The following UPP2 variants were observed in gnomAD, a reference collection of about 807,000 sequenced individuals.
UPP2 encodes UPase 2.
A neutral mutation model predicts 26.7 loss-of-function variants in UPP2; 23 were observed. That is an observed-to-expected ratio of 0.86 (90% CI 0.62 to 1.22). The LOEUF (loss-of-function observed/expected upper bound fraction) is 1.22, where lower values mean the gene tolerates loss of function less well. UPP2 is among the 50% of genes most tolerant of loss of function. UPP2 has a pLI of 0.00. For synonymous variants in UPP2, 127 were observed against 141.3 expected (o/e 0.90, Z 0.72); for missense variants, 387 against 396.7 (o/e 0.98, Z 0.21).
At chr2:158,023,890 A>G (rs993352542) in intron 3 of UPP2, among the ~76,000 whole-genome samples, 6 of 152,250 alleles carry the variant, frequency 3.9e-5, no homozygotes, top group South Asian at 2.1e-4. Context: ...GAACTCCTGC[A>G]TTGGTCTCTT....
At chr2:158,130,478 CT>C (rs1683796494) in intron 6 of UPP2, among the ~76,000 whole-genome samples, 1 of 150,990 alleles carries the variant, frequency 6.6e-6, no homozygotes, top group African/African-American at 2.4e-5. Flanking sequence ...AAAAAAACCA[CT>C]GTGCATTATA....
At chr2:158,011,876 G>A (rs1248868272) in intron 2 of UPP2, among the ~76,000 whole-genome samples, 8 of 152,164 alleles carry the variant, frequency 5.3e-5, no homozygotes, top group Non-Finnish European at 7.3e-5. Flanking sequence ...GGTGGGGATA[G>A]GGGTGTGTTT....
intron 3 of UPP2, among the ~76,000 whole-genome samples, chr2:158,055,009 T>TACTAG (rs1441191094): frequency 1.3e-5 from 2 of 152,228 alleles, no homozygotes; most frequent in Non-Finnish European, 2.9e-5. Context: ...TTCCTGTCTC[T>TACTAG]ACTAGTTTGA....
intron 3 of UPP2, chr2:158,065,752 CT>C: frequency 2.9e-6 from 2 of 686,268 alleles, no homozygotes; most frequent in Non-Finnish European, 5.3e-6. Flanking sequence ...CTCGATAGGC[CT>C]TTTGATGATG....
At chr2:158,003,992 A>C (rs1683449211) in intron 2 of UPP2, among the ~76,000 whole-genome samples, 3 of 152,206 alleles carry the variant, frequency 2.0e-5, no homozygotes, top group Non-Finnish European at 1.5e-5. Flanking sequence ...TATAGTGCCA[A>C]CAACATGGTG....
At chr2:158,035,542 A>T (rs1430560774) in intron 3 of UPP2, among the ~76,000 whole-genome samples, 1 of 151,482 alleles carries the variant, frequency 6.6e-6, no homozygotes, top group Non-Finnish European at 1.5e-5. Flanking sequence ...AATCAAAGGA[A>T]CTCCTCCTCC....
chr2:158,062,657 G>C (rs551512310), intron 3 of UPP2, among the ~76,000 whole-genome samples: 1 of 152,220 alleles, frequency 6.6e-6, no homozygotes, highest in East Asian at 1.9e-4. Context: ...CTATCCCTTG[G>C]GTCCAGGAGG....
upstream of UPP2, among the ~76,000 whole-genome samples, chr2:158,100,460 TCTC>T (rs940602862): frequency 3.3e-5 from 5 of 152,186 alleles, no homozygotes; most frequent in Admixed American, 2.0e-4. Flanking sequence ...AATTGGTGGT[TCTC>T]CTCATTATAC....
At chr2:158,134,104 A>C (rs1683880663) in intron 6 of UPP2, 1 of 152,190 alleles carries the variant, frequency 6.6e-6, no homozygotes, top group African/African-American at 2.4e-5. Flanking sequence ...ATAAGATTTC[A>C]TTCTCATTCT....
intron 3 of UPP2, among the ~76,000 whole-genome samples, chr2:158,093,388 A>T (rs1439178384): frequency 1.3e-5 from 2 of 152,196 alleles, no homozygotes; most frequent in African/African-American, 4.8e-5. Flanking sequence ...TAGATAAAAG[A>T]CAACTTTTTG....
intron 3 of UPP2, among the ~76,000 whole-genome samples, chr2:158,076,952 G>C (rs1682639743): frequency 6.6e-6 from 1 of 152,006 alleles, no homozygotes. Context: ...TATTAGAACT[G>C]ATTAACAAAT....
At chr2:158,072,375 C>A (rs1042646919) in intron 3 of UPP2, among the ~76,000 whole-genome samples, 1 of 152,198 alleles carries the variant, frequency 6.6e-6, no homozygotes, top group Non-Finnish European at 1.5e-5. Flanking sequence ...TAGACAGCAT[C>A]TCTGTACCTG....
At chr2:158,038,689 C>G (rs1327912537) in intron 3 of UPP2, among the ~76,000 whole-genome samples, 1 of 152,194 alleles carries the variant, frequency 6.6e-6, no homozygotes, top group East Asian at 1.9e-4. Context: ...TTTGTAAAAC[C>G]ACATTGGGAG....
chr2:158,038,485 C>A (rs1016153938), intron 3 of UPP2, among the ~76,000 whole-genome samples: 9 of 152,284 alleles, frequency 5.9e-5, no homozygotes, highest in Admixed American at 4.6e-4. Context: ...TTTCACTGGG[C>A]AGATGCTGGA....
At chr2:157,998,783 G>C (rs541429492) in intron 2 of UPP2, among the ~76,000 whole-genome samples, 1 of 152,232 alleles carries the variant, frequency 6.6e-6, no homozygotes, top group Non-Finnish European at 1.5e-5. Flanking sequence ...CTGGGTAACA[G>C]AGCAAGACTC....
intron 2 of UPP2, among the ~76,000 whole-genome samples, chr2:158,009,514 G>A (rs1683543882): frequency 6.6e-6 from 1 of 152,210 alleles, no homozygotes; most frequent in South Asian, 2.1e-4. Context: ...CTGGGAGTCT[G>A]TGTGCAGATG....
intron 3 of UPP2, among the ~76,000 whole-genome samples, chr2:158,058,373 GCTCTCT>G (rs869246675): frequency 4.8e-4 from 18 of 37,596 alleles, no homozygotes; most frequent in South Asian, 1.3e-3. Context: ...ATGCTTGTAT[GCTCTCT>G]CTCTCTCTCT....
intron 6 of UPP2, among the ~76,000 whole-genome samples, chr2:158,133,218 C>T: frequency 6.6e-6 from 1 of 152,160 alleles, no homozygotes; most frequent in East Asian, 1.9e-4. Context: ...TCATTTGCAA[C>T]AACATGGATG....
At chr2:158,068,479 T>C (rs1682472589) in intron 3 of UPP2, among the ~76,000 whole-genome samples, 1 of 151,894 alleles carries the variant, frequency 6.6e-6, no homozygotes, top group Non-Finnish European at 1.5e-5. Flanking sequence ...TCAAAGCAAA[T>C]GTTTGAGAAA....
Sources: gnomAD v4.1 joint callset for allele counts (sites outside exome capture counted in the v4.1 genomes callset) on GRCh38, gnomAD v4.1.1 for gene constraint, MANE v1.5 for transcripts, NCBI Gene and HGNC (gene_info 2026-07-23, HGNC 2026-07-21) for gene names.